The following EXOC1L variants were observed in gnomAD, a reference collection of about 807,000 sequenced individuals.
EXOC1L encodes exocyst complex component 1-like.
In EXOC1L, 10 loss-of-function variants were observed where a neutral mutation model predicts 4.9. That is an observed-to-expected ratio of 2.02 (90% CI 1.25 to 3.43). The LOEUF (loss-of-function observed/expected upper bound fraction) is 3.43. Among genes scored for constraint, EXOC1L ranks in the 30% most tolerant of loss-of-function variants. EXOC1L has a pLI of 0.00. For missense variants in EXOC1L, 114 were observed against 59.4 expected, an observed-to-expected ratio of 1.92 and a Z score of -3.02; for synonymous variants, 41 against 20.8, an observed-to-expected ratio of 1.97 and a Z score of -2.63.
At chr4:55,836,870 A>T (rs1469761696) in intron 2 of EXOC1L, among the ~76,000 whole-genome samples, 4 of 152,032 alleles carry the variant, frequency 2.6e-5, no homozygotes, top group Admixed American at 1.3e-4. Context: ...TTGAAAAAAC[A>T]TAGATGCTTC....
At chr4:55,828,702 G>A (rs1040890599) in intron 1 of EXOC1L, among the ~76,000 whole-genome samples, 16 of 152,128 alleles carry the variant, frequency 1.1e-4, no homozygotes, top group African/African-American at 3.6e-4. Context: ...AAATTAGCCA[G>A]GCATAGTGGT....
intron 1 of EXOC1L, among the ~76,000 whole-genome samples, chr4:55,826,408 A>T (rs1156429547): frequency 1.3e-5 from 2 of 152,236 alleles, no homozygotes; most frequent in Admixed American, 6.5e-5. Flanking sequence ...CCTCATGAAT[A>T]ATAGTGACTA....
intron 1 of EXOC1L, among the ~76,000 whole-genome samples, chr4:55,829,264 A>G (rs1367142489): frequency 1.3e-5 from 2 of 152,144 alleles, no homozygotes; most frequent in African/African-American, 4.8e-5. Context: ...TTCTTTATAT[A>G]TTTTGTCTAC....
At chr4:55,823,021 G>A (rs1238769927) in intron 1 of EXOC1L, among the ~76,000 whole-genome samples, 6 of 150,600 alleles carry the variant, frequency 4.0e-5, no homozygotes, top group Non-Finnish European at 8.9e-5. Context: ...TTGATATATT[G>A]TATATTATGT....
chr4:55,822,299 A>G (rs1257029259), intron 1 of EXOC1L, among the ~76,000 whole-genome samples: 2 of 152,168 alleles, frequency 1.3e-5, no homozygotes, highest in Non-Finnish European at 2.9e-5. Context: ...TTGATGTCAA[A>G]ATTAAATGTC....
At chr4:55,825,305 C>T (rs908112740) in intron 1 of EXOC1L, among the ~76,000 whole-genome samples, 2 of 152,136 alleles carry the variant, frequency 1.3e-5, no homozygotes, top group Non-Finnish European at 2.9e-5. Context: ...TCGACTTTAC[C>T]ATATTGCTTC....
At chr4:55,823,537 T>A (rs1389911900) in intron 1 of EXOC1L, among the ~76,000 whole-genome samples, 1 of 152,170 alleles carries the variant, frequency 6.6e-6, no homozygotes, top group African/African-American at 2.4e-5. Flanking sequence ...TTTTAAAAAA[T>A]TTTCATATAA....
At chr4:55,827,895 A>G (rs1260718775) in intron 1 of EXOC1L, among the ~76,000 whole-genome samples, 2 of 151,432 alleles carry the variant, frequency 1.3e-5, no homozygotes, top group Non-Finnish European at 2.9e-5. Context: ...TTCACTTTTA[A>G]TCCTTTCGTC....
chr4:55,831,274 C>G, intron 1 of EXOC1L, 60 bp from the exon 2 acceptor site: 1 of 504,948 alleles, frequency 2.0e-6, no homozygotes, highest in Non-Finnish European at 3.5e-6. Context: ...AAAAGTATGA[C>G]TTGAATAATT....
intron 1 of EXOC1L, among the ~76,000 whole-genome samples, chr4:55,823,597 A>G (rs1429072124): frequency 1.3e-5 from 2 of 152,242 alleles, no homozygotes; most frequent in Non-Finnish European, 2.9e-5. Flanking sequence ...AGGCCAAAAT[A>G]TATCCAAACA....
At chr4:55,835,321 G>A (rs1026335982) in intron 2 of EXOC1L, among the ~76,000 whole-genome samples, 2 of 151,880 alleles carry the variant, frequency 1.3e-5, no homozygotes, top group African/African-American at 2.4e-5. Flanking sequence ...AAACATGCAT[G>A]TGTAAGTATC....
intron 1 of EXOC1L, among the ~76,000 whole-genome samples, chr4:55,828,914 A>G (rs1481205965): frequency 2.0e-5 from 3 of 152,174 alleles, no homozygotes; most frequent in Non-Finnish European, 4.4e-5. Flanking sequence ...AAACCTTTCC[A>G]CAGGAAAAAA....
chr4:55,827,190 C>A (rs545553233), intron 1 of EXOC1L, among the ~76,000 whole-genome samples: 1 of 152,316 alleles, frequency 6.6e-6, no homozygotes, highest in East Asian at 1.9e-4. Context: ...TTGTTCCCTG[C>A]CACCTGTCCA....
At chr4:55,821,966 G>C (rs1719754644) in intron 1 of EXOC1L, among the ~76,000 whole-genome samples, 1 of 152,180 alleles carries the variant, frequency 6.6e-6, no homozygotes, top group South Asian at 2.1e-4. Flanking sequence ...GACCATGCTT[G>C]ACTCAGACAA....
At chr4:55,829,845 A>G (rs1719977731) in intron 1 of EXOC1L, among the ~76,000 whole-genome samples, 1 of 152,194 alleles carries the variant, frequency 6.6e-6, no homozygotes, top group African/African-American at 2.4e-5. Context: ...CACAGGTCCA[A>G]AGTGGTTTCT....
At chr4:55,820,215 ATT>A (rs57910283) in intron 1 of EXOC1L, 68 bp downstream of exon 1, 48 of 326,320 alleles carry the variant, frequency 1.5e-4, no homozygotes, top group South Asian at 1.5e-4. Flanking sequence ...GATAGAGGGA[ATT>A]TTTTTTTTTT....
At chr4:55,826,943 T>A (rs1383776801) in intron 1 of EXOC1L, among the ~76,000 whole-genome samples, 1 of 152,232 alleles carries the variant, frequency 6.6e-6, no homozygotes, top group Non-Finnish European at 1.5e-5. Context: ...GAAAATGTGA[T>A]GACTCGTAGG....
chr4:55,834,361 C>T (rs1366012406), intron 2 of EXOC1L, among the ~76,000 whole-genome samples: 4 of 151,744 alleles, frequency 2.6e-5, no homozygotes, highest in Admixed American at 2.6e-4. Flanking sequence ...AAATGTGTGA[C>T]CTGGACTTCA....
At chr4:55,831,207 G>T (rs1720021071) in intron 1 of EXOC1L, 127 bp from the exon 2 acceptor site, 1 of 477,574 alleles carries the variant, frequency 2.1e-6, no homozygotes, top group African/African-American at 2.0e-5. Context: ...CACAATTGAG[G>T]CGCAGCTATA....
Sources: allele counts gnomAD v4.1 joint callset (sites outside exome capture counted in the v4.1 genomes callset), GRCh38; gene constraint gnomAD v4.1.1; transcripts MANE v1.5; gene names NCBI Gene and HGNC (gene_info 2026-07-23, HGNC 2026-07-21).